Variants in MACROD2 observed in about 807,000 individuals in gnomAD.
The protein encoded by MACROD2 is ADP-ribose glycohydrolase MACROD2.
In MACROD2, 36 loss-of-function variants were observed where a neutral mutation model predicts 70.4. The observed-to-expected ratio is 0.51, with a 90% CI of 0.39 to 0.68. The LOEUF (loss-of-function observed/expected upper bound fraction) is 0.68, where lower values mean the gene tolerates loss of function less well. Among genes scored for constraint, MACROD2 ranks in the 30% least tolerant of loss-of-function variants. MACROD2 has a pLI of 0.00. For missense variants in MACROD2, 496 were observed against 538.4 expected, an observed-to-expected ratio of 0.92 and a Z score of 0.78; for synonymous variants, 172 against 178.8, an observed-to-expected ratio of 0.96 and a Z score of 0.30.
chr20:15,783,084 T>C (rs982688412), intron 8 of MACROD2, among the ~76,000 whole-genome samples: 1 of 152,172 alleles, frequency 6.6e-6, no homozygotes, highest in African/African-American at 2.4e-5. Context: ...TTTTCAAACA[T>C]ACTGGTTATG....
At chr20:15,227,675 T>C (rs1201613123) in intron 5 of MACROD2, among the ~76,000 whole-genome samples, 1 of 152,108 alleles carries the variant, frequency 6.6e-6, no homozygotes, top group Admixed American at 6.5e-5. Context: ...CTATAAGGTG[T>C]TCTTCAAAGC....
chr20:15,664,182 C>T (rs1409197317), intron 8 of MACROD2, among the ~76,000 whole-genome samples: 2 of 152,038 alleles, frequency 1.3e-5, no homozygotes, highest in African/African-American at 4.8e-5. Context: ...ATAAATGTGG[C>T]AAGAGTTCTG....
intron 6 of MACROD2, among the ~76,000 whole-genome samples, chr20:15,292,339 A>C (rs1363767771): frequency 6.6e-6 from 1 of 152,228 alleles, no homozygotes; most frequent in Non-Finnish European, 1.5e-5. Flanking sequence ...AGTTACTGTG[A>C]GAATAAATAA....
At chr20:14,505,162 G>A (rs1486440975) in intron 4 of MACROD2, among the ~76,000 whole-genome samples, 1 of 152,160 alleles carries the variant, frequency 6.6e-6, no homozygotes, top group Non-Finnish European at 1.5e-5. Context: ...AGGAACATAT[G>A]TACCAGTTAT....
chr20:14,912,113 C>T (rs990851525), intron 5 of MACROD2, among the ~76,000 whole-genome samples: 3 of 152,116 alleles, frequency 2.0e-5, no homozygotes, highest in Non-Finnish European at 2.9e-5. Context: ...ATCTCTACTG[C>T]GTACCCATCC....
intron 3 of MACROD2, among the ~76,000 whole-genome samples, chr20:14,295,305 C>T (rs1048958472): frequency 6.6e-6 from 1 of 151,858 alleles, no homozygotes; most frequent in Non-Finnish European, 1.5e-5. Context: ...ACTAGAAAAT[C>T]AAACACAAAA....
intron 6 of MACROD2, among the ~76,000 whole-genome samples, chr20:15,372,867 C>A (rs959458525): frequency 6.6e-6 from 1 of 152,060 alleles, no homozygotes. Flanking sequence ...GCCTGGGCAA[C>A]AAAGCATGAC....
At chr20:14,432,674 C>G (rs2084007976) in intron 3 of MACROD2, among the ~76,000 whole-genome samples, 1 of 152,086 alleles carries the variant, frequency 6.6e-6, no homozygotes, top group African/African-American at 2.4e-5. Context: ...AATAGTTTAT[C>G]TGGAGCACTT....
intron 5 of MACROD2, among the ~76,000 whole-genome samples, chr20:14,743,356 T>C (rs1386977923): frequency 1.3e-5 from 2 of 152,092 alleles, no homozygotes; most frequent in African/African-American, 2.4e-5. Flanking sequence ...CCTAGATTAT[T>C]TGGGTGCGCC....
At chr20:16,043,434 A>G (rs1401697094) in intron 16 of MACROD2, among the ~76,000 whole-genome samples, 2 of 151,980 alleles carry the variant, frequency 1.3e-5, no homozygotes, top group African/African-American at 4.8e-5. Context: ...TGATCTGGCC[A>G]TTGTCTATTT....
intron 3 of MACROD2, among the ~76,000 whole-genome samples, chr20:14,241,245 T>C (rs1601390630): frequency 6.6e-6 from 1 of 152,268 alleles, no homozygotes; most frequent in Non-Finnish European, 1.5e-5. Flanking sequence ...ATCTGAGATA[T>C]TTATAAAGGA....
chr20:15,889,170 C>A (rs1003931656), intron 10 of MACROD2, among the ~76,000 whole-genome samples: 16 of 152,084 alleles, frequency 1.1e-4, no homozygotes, highest in Non-Finnish European at 2.4e-4. Flanking sequence ...ATGGTATAAA[C>A]ACAAATACCA....
intron 12 of MACROD2, among the ~76,000 whole-genome samples, chr20:15,953,678 T>C (rs75661822): frequency 0.018 from 2,767 of 152,308 alleles, 38 homozygotes; most frequent in Non-Finnish European, 0.031. Flanking sequence ...TTTCAGGTTG[T>C]CTGCTGTTTT....
intron 4 of MACROD2, among the ~76,000 whole-genome samples, chr20:14,645,725 G>T (rs2123500155): frequency 6.6e-6 from 1 of 151,932 alleles, no homozygotes; most frequent in South Asian, 2.1e-4. Context: ...TGTTAATATT[G>T]GTTGCATTTG....
At chr20:14,740,599 G>C (rs1303384480) in intron 5 of MACROD2, among the ~76,000 whole-genome samples, 1 of 152,024 alleles carries the variant, frequency 6.6e-6, no homozygotes, top group African/African-American at 2.4e-5. Flanking sequence ...TGTGTAAATG[G>C]TCTTCTGGGT....
At chr20:15,612,545 T>C (rs1213990898) in intron 8 of MACROD2, among the ~76,000 whole-genome samples, 4 of 152,184 alleles carry the variant, frequency 2.6e-5, no homozygotes, top group African/African-American at 7.2e-5. Context: ...AACATATTCA[T>C]AGGACACGTA....
intron 7 of MACROD2, among the ~76,000 whole-genome samples, chr20:15,483,575 C>T (rs2047126492): frequency 6.6e-6 from 1 of 152,082 alleles, no homozygotes; most frequent in African/African-American, 2.4e-5. Context: ...TTGTTTATAT[C>T]CACAAAATAA....
chr20:14,668,097 T>C (rs2070756165), intron 4 of MACROD2, among the ~76,000 whole-genome samples: 1 of 151,672 alleles, frequency 6.6e-6, no homozygotes, highest in Non-Finnish European at 1.5e-5. Flanking sequence ...GAGGCTGCAG[T>C]GAGCTATGAT....
At chr20:14,167,422 TGCTCAG>T (rs2055282967) in intron 3 of MACROD2, among the ~76,000 whole-genome samples, 1 of 152,134 alleles carries the variant, frequency 6.6e-6, no homozygotes, top group Non-Finnish European at 1.5e-5. Flanking sequence ...TTGCTTTTGT[TGCTCAG>T]GCTGGAGTGC....
Sources: allele counts gnomAD v4.1 joint callset (sites outside exome capture counted in the v4.1 genomes callset), GRCh38; gene constraint gnomAD v4.1.1; transcripts MANE v1.5; gene names NCBI Gene and HGNC (gene_info 2026-07-23, HGNC 2026-07-21).